Variants in PLPP4 observed in about 807,000 individuals in gnomAD.
PLPP4 encodes the protein diacylglycerol pyrophosphate like 2.
PLPP4 carries 20 observed loss-of-function variants against 32.2 expected under a neutral mutation model. The observed-to-expected ratio is 0.62, with a 90% CI of 0.44 to 0.90. PLPP4 has a LOEUF of 0.90. Ranked by LOEUF, PLPP4 falls within the 40% of genes least tolerant of loss-of-function variation. PLPP4 has a pLI of 0.00. For missense variants in PLPP4, 257 were observed against 353.1 expected (o/e 0.73, Z 2.18); for synonymous variants, 127 against 133.0 (o/e 0.95, Z 0.31).
intron 5 of PLPP4, among the ~76,000 whole-genome samples, chr10:120,574,175 CTCTCTCTCTCTCT>C (rs1849094672): frequency 2.0e-5 from 1 of 50,658 alleles, no homozygotes; most frequent in African/African-American, 1.1e-4. Flanking sequence ...CACACTCTCT[CTCTCTCTCTCTCT>C]CTCTCTCTCT....
chr10:120,500,637 C>T (rs1384315533), intron 1 of PLPP4, among the ~76,000 whole-genome samples: 1 of 145,054 alleles, frequency 6.9e-6, no homozygotes, highest in Non-Finnish European at 1.5e-5. Context: ...TAATTCTGAC[C>T]ACCCTGAGCC....
At chr10:120,503,788 C>G (rs1845374761) in intron 1 of PLPP4, 30 bp from the exon 2 acceptor site, 4 of 1,596,692 alleles carry the variant, frequency 2.5e-6, no homozygotes, top group African/African-American at 1.3e-5. Flanking sequence ...GAACGCTCAA[C>G]CTTCATGTAC....
intron 5 of PLPP4, among the ~76,000 whole-genome samples, chr10:120,542,576 C>A (rs529990511): frequency 6.6e-6 from 1 of 152,272 alleles, no homozygotes; most frequent in South Asian, 2.1e-4. Context: ...TCATTGCAGA[C>A]GAGCTGGCTG....
At chr10:120,480,120 G>A (rs900835759) in intron 1 of PLPP4, among the ~76,000 whole-genome samples, 2 of 152,198 alleles carry the variant, frequency 1.3e-5, no homozygotes, top group Non-Finnish European at 2.9e-5. Context: ...GGTGCTGGAG[G>A]TTTCTACCTG....
intron 5 of PLPP4, among the ~76,000 whole-genome samples, chr10:120,567,427 G>A (rs1043318063): frequency 2.0e-5 from 3 of 152,252 alleles, no homozygotes; most frequent in Non-Finnish European, 4.4e-5. Flanking sequence ...GTTGGCTGAA[G>A]CAGATGTTGT....
intron 5 of PLPP4, among the ~76,000 whole-genome samples, chr10:120,544,948 G>A (rs1024953052): frequency 1.2e-4 from 18 of 152,238 alleles, no homozygotes; most frequent in Non-Finnish European, 2.5e-4. Flanking sequence ...GAAGAGAAGG[G>A]TCATTGTCAG....
chr10:120,481,539 A>C (rs769309689), intron 1 of PLPP4, among the ~76,000 whole-genome samples: 1 of 152,208 alleles, frequency 6.6e-6, no homozygotes, highest in Non-Finnish European at 1.5e-5. Context: ...AATGGCAACC[A>C]CAATATCAAC....
intron 5 of PLPP4, among the ~76,000 whole-genome samples, chr10:120,551,274 G>C (rs937018342): frequency 1.3e-5 from 2 of 152,186 alleles, no homozygotes; most frequent in Non-Finnish European, 2.9e-5. Flanking sequence ...CTCAAATGTT[G>C]CTGGTGATGT....
chr10:120,570,246 C>A (rs1848871963), intron 5 of PLPP4, among the ~76,000 whole-genome samples: 2 of 152,054 alleles, frequency 1.3e-5, no homozygotes. Context: ...ATTGACCAGG[C>A]AGGCTTGTTT....
intron 5 of PLPP4, among the ~76,000 whole-genome samples, chr10:120,538,970 A>T (rs1227629231): frequency 6.6e-6 from 1 of 152,184 alleles, no homozygotes; most frequent in Non-Finnish European, 1.5e-5. Context: ...TTCAGAGCTC[A>T]GCTCTTGCCA....
intron 5 of PLPP4, among the ~76,000 whole-genome samples, chr10:120,546,802 C>A (rs1847648538): frequency 6.6e-6 from 1 of 152,216 alleles, no homozygotes; most frequent in Non-Finnish European, 1.5e-5. Flanking sequence ...ACATTTGCTT[C>A]TCCATATCAT....
intron 5 of PLPP4, among the ~76,000 whole-genome samples, chr10:120,527,026 CTTG>C (rs1846426489): frequency 6.6e-6 from 1 of 152,140 alleles, no homozygotes; most frequent in South Asian, 2.1e-4. Flanking sequence ...AATGTGTGTT[CTTG>C]TTTGTATTAG....
chr10:120,531,345 C>A (rs1846710584), intron 5 of PLPP4, among the ~76,000 whole-genome samples: 1 of 152,020 alleles, frequency 6.6e-6, no homozygotes, highest in Non-Finnish European at 1.5e-5. Context: ...ACCTCATGAT[C>A]CGACCGCCTC....
intron 5 of PLPP4, among the ~76,000 whole-genome samples, chr10:120,524,125 A>G (rs954051496): frequency 3.3e-5 from 5 of 152,202 alleles, no homozygotes; most frequent in Non-Finnish European, 7.3e-5. Flanking sequence ...CCTGGCAGAC[A>G]TGGAATTCTA....
chr10:120,465,919 T>C (rs1436652611), intron 1 of PLPP4, among the ~76,000 whole-genome samples: 1 of 152,198 alleles, frequency 6.6e-6, no homozygotes, highest in East Asian at 1.9e-4. Flanking sequence ...TCTCGTGTGC[T>C]CCAATTCATT....
chr10:120,508,774 C>T (rs1380088833), intron 2 of PLPP4, among the ~76,000 whole-genome samples: 1 of 152,174 alleles, frequency 6.6e-6, no homozygotes, highest in African/African-American at 2.4e-5. Context: ...CCCCAACCTC[C>T]TCCTGCTACT....
At chr10:120,472,309 A>G (rs1848551549) in intron 1 of PLPP4, among the ~76,000 whole-genome samples, 1 of 152,068 alleles carries the variant, frequency 6.6e-6, no homozygotes. Context: ...TCTTGAAATT[A>G]TTAATATCTT....
intron 5 of PLPP4, among the ~76,000 whole-genome samples, chr10:120,534,078 A>G (rs993381654): frequency 6.6e-6 from 1 of 152,090 alleles, no homozygotes; most frequent in African/African-American, 2.4e-5. Flanking sequence ...TTTGTGTACG[A>G]TTTCAAATTA....
At chr10:120,464,888 C>T (rs1033247136) in intron 1 of PLPP4, among the ~76,000 whole-genome samples, 2 of 152,132 alleles carry the variant, frequency 1.3e-5, no homozygotes, top group African/African-American at 4.8e-5. Context: ...CCTGGGAAGG[C>T]GTCTGCCTTG....
Sources: gnomAD v4.1 joint callset for allele counts (sites outside exome capture counted in the v4.1 genomes callset) on GRCh38, gnomAD v4.1.1 for gene constraint, MANE v1.5 for transcripts, NCBI Gene and HGNC (gene_info 2026-07-23, HGNC 2026-07-21) for gene names.